Variants in C20orf204 observed in about 807,000 individuals in gnomAD.
C20orf204 encodes the protein uncharacterized protein C20orf204.
C20orf204 carries 6 observed loss-of-function variants against 3.6 expected under a neutral mutation model. That is an observed-to-expected ratio of 1.68 (90% CI 0.92 to 3.31). The LOEUF (loss-of-function observed/expected upper bound fraction) is 3.31. Among genes scored for constraint, C20orf204 ranks in the 30% most tolerant of loss-of-function variants. C20orf204 has a pLI of 0.00. For missense variants in C20orf204, 167 were observed against 89.7 expected (o/e 1.86, Z -3.48); for synonymous variants, 80 against 41.4 (o/e 1.93, Z -3.58).
In C20orf204 at chr20:64,038,312, T is replaced by C. The variant is rs1471794046; in HGVS notation, c.296T>C (p.Leu99Pro). 3 of 650,150 alleles carry C rather than the reference T, an allele frequency of 4.6e-6. No homozygotes were observed. The highest frequency in any genetic ancestry group is 8.8e-6 in the Non-Finnish European group (3 of 339,536). The allele number at this position is 650,150 out of a possible 1,614,324, so 40.3% of individuals were successfully genotyped here. A position where few individuals can be genotyped will look rare whatever the true frequency, so the allele number is the denominator to read the frequency against. The part of the protein sequence containing the change: ...CGAQKEHSIL[L>P]SISSLGRTLR... ...CCTCCCCAGGAGCACAGTATCCTCC[T>C]GTCCATCTCGTCCCTGGGTCGGACC... The change falls in exon 3 of 4, where the codon CTG becomes CCG. Residue 99 changes from leucine (L) to proline (P), a missense_variant. Coordinates refer to ENST00000636176, the MANE Select transcript of C20orf204 (RefSeq NM_001387010.1).
In C20orf204 at chr20:64,038,903, G is replaced by A. The variant is rs757944800; in HGVS notation, c.*144G>A. 1 of 733,418 alleles carries A rather than the reference G, an allele frequency of 1.4e-6. No homozygotes were observed. The highest frequency in any genetic ancestry group is 2.5e-6 in the Non-Finnish European group (1 of 396,280). The allele number at this position is 733,418 out of a possible 1,614,324, so 45.4% of individuals were successfully genotyped here. ...CGCTCCCCGGAGGGCCCAGGACTTG[G>A]AGAAGGGAGCGCGCCTGGCCGCCGC... On this transcript the variant is annotated 3_prime_UTR_variant, in exon 4 of 4. Transcript: ENST00000636176.
At chr20:64,035,357 C>G (rs1032390556), upstream of C20orf204, 3 of 152,278 alleles carry the variant, frequency 2.0e-5, no homozygotes, top group Non-Finnish European at 2.9e-5. Flanking sequence ...CGTAAAGATG[C>G]AGTGTTACAA....
At chr20:64,035,864 C>T (rs961259755), upstream of C20orf204, 1 of 152,438 alleles carries the variant, frequency 6.6e-6, no homozygotes, top group East Asian at 1.9e-4. Context: ...ACTTGCTGGC[C>T]ACAGAGTCGG....
Position 64,038,885 on chromosome 20 carries a change from C to T in C20orf204, c.*126C>T, listed in dbSNP as rs547818966. 2.2e-4 allele frequency: 160 copies of T among 735,286 alleles called. No homozygotes were observed. Among genetic ancestry groups the T allele is most frequent in the Non-Finnish European group, 7.1e-5 (28 of 396,764 alleles). 45.5% of individuals were successfully genotyped at this position (735,286 alleles called of 1,614,324 possible). A position where few individuals can be genotyped will look rare whatever the true frequency, so the allele number is the denominator to read the frequency against. ...CTCGCTCGACGCAGCCCGCGCTCCC[C>T]GGAGGGCCCAGGACTTGGAGAAGGG... On this transcript the variant is annotated 3_prime_UTR_variant, in exon 4 of 4. Coordinates refer to ENST00000636176, the MANE Select transcript of C20orf204 (RefSeq NM_001387010.1).
At position 64,037,917 on chromosome 20, in the gene C20orf204, T is replaced by C. The variant is rs993770947; in HGVS notation, c.4-10T>C. The C allele has an allele frequency of 9.3e-6, 4 of 430,972 alleles. No homozygotes were observed. The highest frequency in any genetic ancestry group is 1.6e-5 in the Non-Finnish European group (4 of 244,058). The allele number at this position is 430,972 out of a possible 1,614,324, so 26.7% of individuals were successfully genotyped here. A position where few individuals can be genotyped will look rare whatever the true frequency, so the allele number is the denominator to read the frequency against. On this transcript the variant is annotated splice_polypyrimidine_tract_variant and intron_variant, in intron 1 of 3. Coordinates refer to ENST00000636176, the MANE Select transcript of C20orf204 (RefSeq NM_001387010.1). ...CCCCAGGCCTAACCCCAACCTGCTGTCTCCTCCAGGTACCCCCTAAGCCTG... is the reference window on the plus strand; with the variant it reads ...CCCCAGGCCTAACCCCAACCTGCTGCCTCCTCCAGGTACCCCCTAAGCCTG...
upstream of C20orf204, chr20:64,034,761 A>G (rs1225513973): frequency 6.7e-6 from 1 of 149,696 alleles, no homozygotes; most frequent in Non-Finnish European, 1.5e-5. Context: ...AGGCCCAGGA[A>G]GTTTGTGAGC....
chr20:64,038,258 C>T (rs758286128), intron 2 of C20orf204, 38 bp from the exon 3 acceptor site: 6 of 741,778 alleles, frequency 8.1e-6, no homozygotes, highest in Non-Finnish European at 1.2e-5. Flanking sequence ...CTCAGTTTCC[C>T]CCCACCCCCA....
At chr20:64,037,034 G>GT (rs1446293252) in intron 1 of C20orf204, 1 of 152,360 alleles carries the variant, frequency 6.6e-6, no homozygotes, top group African/African-American at 2.4e-5. Context: ...CAGGGGAAGG[G>GT]TTGGGGCTGG....
chr20:64,038,355 CG>C lies in C20orf204; in HGVS notation c.344del (p.Gly115AlafsTer20). 6.6e-6 allele frequency: 5 copies of C among 763,092 alleles called. No individual in the cohort carries two copies. Among genetic ancestry groups the C allele is most frequent in the East Asian group, 2.5e-5 (1 of 40,092 alleles). 47.3% of individuals were successfully genotyped at this position (763,092 alleles called of 1,614,324 possible). A position where few individuals can be genotyped will look rare whatever the true frequency, so the allele number is the denominator to read the frequency against. ...LGRTLRGAVA[G>X]GRRGALERAA... ...GTCGGACCCTGCGCGGGGCGGTGGC[CG>C]GGGGCCGCCGCGGGGCCCTGGAGAG... On this transcript the variant is annotated frameshift_variant, in exon 3 of 4. Coordinates refer to ENST00000636176, the MANE Select transcript of C20orf204 (RefSeq NM_001387010.1). LOFTEE classifies it high-confidence loss of function.
rs2059349578 is a variant in C20orf204 at position 64,038,857 on chromosome 20, C to T, written c.*98C>T. The T allele has an allele frequency of 4.1e-6, 3 of 725,892 alleles. No homozygotes were observed. The highest frequency in any genetic ancestry group is 1.9e-5 in the Admixed American group (1 of 52,824). The allele number at this position is 725,892 out of a possible 1,614,324, so 45.0% of individuals were successfully genotyped here. On this transcript the variant is annotated 3_prime_UTR_variant, in exon 4 of 4. Transcript: ENST00000636176. The stretch of plus-strand genomic sequence containing the variant: ...TCTGTAGACTTGTTGGTGACCTCGG[C>T]CCCTCGCTCGACGCAGCCCGCGCTC...
At position 64,038,951 on chromosome 20, in the gene C20orf204, C is replaced by G. The variant is rs767579695; in HGVS notation, c.*192C>G. ...CGCTGGGTCACGGAGGAGGCCCGCC[C>G]TCCACGCGCCGAAGGCCTCAATAAA... On this transcript the variant is annotated 3_prime_UTR_variant, in exon 4 of 4. Transcript: ENST00000636176. 4 of 723,606 alleles carry G rather than the reference C, an allele frequency of 5.5e-6. No individual in the cohort carries two copies. In the East Asian group the frequency reaches 1.1e-4, roughly 19 times the overall value. 44.8% of individuals were successfully genotyped at this position (723,606 alleles called of 1,614,324 possible).
chr20:64,038,755 C>A lies in C20orf204; in HGVS notation c.566C>A (p.Ser189Tyr), dbSNP rs781113682. 22 of 696,508 alleles carry A rather than the reference C, an allele frequency of 3.2e-5. No homozygotes were observed. Among genetic ancestry groups the A allele is most frequent in the Middle Eastern group, 2.4e-4 (1 of 4,208 alleles). The allele number at this position is 696,508 out of a possible 1,614,324, so 43.1% of individuals were successfully genotyped here. A position where few individuals can be genotyped will look rare whatever the true frequency, so the allele number is the denominator to read the frequency against. ...FALRAPASRD[S>Y] ...CTGCGCGCCCCGGCCTCCAGGGACTCCTAGCGCGGCCCGTCCTGGCCCTGC... is the reference window on the plus strand; with the variant it reads ...CTGCGCGCCCCGGCCTCCAGGGACTACTAGCGCGGCCCGTCCTGGCCCTGC... The change falls in exon 4 of 4, where the codon TCC becomes TAC. Residue 189 changes from serine to tyrosine, a missense_variant. By Grantham distance (144) the Ser-to-Tyr change is moderately radical. Coordinates refer to ENST00000636176, the MANE Select transcript of C20orf204 (RefSeq NM_001387010.1).
chr20:64,038,016 C>T lies in C20orf204; in HGVS notation c.93C>T (p.Pro31=), dbSNP rs1416823475. 1.7e-5 allele frequency: 9 copies of T among 525,394 alleles called. No homozygotes were observed. The highest frequency in any genetic ancestry group is 1.2e-4 in the African/African-American group (6 of 49,446). 32.5% of individuals were successfully genotyped at this position (525,394 alleles called of 1,614,324 possible). A position where few individuals can be genotyped will look rare whatever the true frequency, so the allele number is the denominator to read the frequency against. Reference sequence around the variant, plus strand: ...CCTATTCCCCGGCCTGCAGCGTCCCCGACGTGCTCCGCCACTATCGCGCCA... The same window carrying T: ...CCTATTCCCCGGCCTGCAGCGTCCCTGACGTGCTCCGCCACTATCGCGCCA... The part of the protein sequence containing the change: ...SRAYSPACSV[P]DVLRHYRAII... The change falls in exon 2 of 4, where the codon CCC becomes CCT. Residue 31 remains proline (P), a synonymous_variant. Coordinates refer to ENST00000636176, the MANE Select transcript of C20orf204 (RefSeq NM_001387010.1).
chr20:64,035,269 A>G (rs1366101515), upstream of C20orf204: 1 of 152,228 alleles, frequency 6.6e-6, no homozygotes, highest in Non-Finnish European at 1.5e-5. Context: ...CGGGTGCCAG[A>G]GCCTGGGGCT....
upstream of C20orf204, chr20:64,034,945 T>C (rs2059332641): frequency 6.6e-6 from 1 of 152,226 alleles, no homozygotes; most frequent in African/African-American, 2.4e-5. Flanking sequence ...AGAGCTGAAA[T>C]GGCCAGTGCT....
Position 64,038,942 on chromosome 20 carries a change from A to T in C20orf204, c.*183A>T, listed in dbSNP as rs769736932. The T allele has an allele frequency of 7.6e-5, 55 of 725,276 alleles. No homozygotes were observed. Among genetic ancestry groups the T allele is most frequent in the South Asian group, 1.0e-4 (7 of 68,688 alleles). 44.9% of individuals were successfully genotyped at this position (725,276 alleles called of 1,614,324 possible). A position where few individuals can be genotyped will look rare whatever the true frequency, so the allele number is the denominator to read the frequency against. Reference sequence around the variant, plus strand: ...CCTGGCCGCCGCTGGGTCACGGAGGAGGCCCGCCCTCCACGCGCCGAAGGC... The same window carrying T: ...CCTGGCCGCCGCTGGGTCACGGAGGTGGCCCGCCCTCCACGCGCCGAAGGC... On this transcript the variant is annotated 3_prime_UTR_variant, in exon 4 of 4. Coordinates refer to ENST00000636176, the MANE Select transcript of C20orf204 (RefSeq NM_001387010.1).
chr20:64,038,226 A>G (rs770967164), intron 2 of C20orf204, 24 bp downstream of exon 2: 2 of 724,972 alleles, frequency 2.8e-6, no homozygotes. Flanking sequence ...GCCCCTACCC[A>G]AGCTCGCCGG....
At chr20:64,034,606 G>T (rs1016692781), upstream of C20orf204, 3 of 152,328 alleles carry the variant, frequency 2.0e-5, no homozygotes, top group Non-Finnish European at 4.4e-5. Flanking sequence ...GTTTTCACTG[G>T]AACTTGTGGA....
chr20:64,037,943 C>G lies in C20orf204; in HGVS notation c.20C>G (p.Ala7Gly). ...CTCCTCCAGGTACCCCCTAAGCCTG[C>G]ACTCTGGGCGCTCCTGCTGGCGCTG... MVPPKP[A>G]LWALLLALLG... Residue 7 changes from alanine to glycine, a missense_variant, in exon 2 of 4, where the codon GCA becomes GGA. By Grantham distance (60) the Ala-to-Gly change is moderately conservative. Coordinates refer to ENST00000636176, the MANE Select transcript of C20orf204 (RefSeq NM_001387010.1). 1 of 487,588 alleles carries G rather than the reference C, an allele frequency of 2.1e-6. No individual in the cohort carries two copies. Among genetic ancestry groups the G allele is most frequent in the Non-Finnish European group, 3.6e-6 (1 of 278,010 alleles). 30.2% of individuals were successfully genotyped at this position (487,588 alleles called of 1,614,324 possible). A position where few individuals can be genotyped will look rare whatever the true frequency, so the allele number is the denominator to read the frequency against.
Sources: gnomAD v4.1 joint callset for allele counts on GRCh38, gnomAD v4.1.1 for gene constraint, MANE v1.5 for transcripts, NCBI Gene and HGNC (gene_info 2026-07-23, HGNC 2026-07-21) for gene names.